The following DSCAM variants were observed in gnomAD, a reference collection of about 807,000 sequenced individuals.
DSCAM encodes the protein cell adhesion molecule DSCAM.
A neutral mutation model predicts 217.7 loss-of-function variants in DSCAM; 47 were observed. The observed-to-expected ratio is 0.22, with a 90% CI of 0.17 to 0.28. The LOEUF (loss-of-function observed/expected upper bound fraction) is 0.28. DSCAM is among the 10% of genes least tolerant of loss of function. The probability of loss-of-function intolerance (pLI) is 1.00; values close to 1 mark genes in which losing one functional copy is unlikely to be tolerated. For missense variants in DSCAM, 2,080 were observed against 2,618.3 expected, an observed-to-expected ratio of 0.79 and a Z score of 4.49; for synonymous variants, 1,056 against 1,015.3, an observed-to-expected ratio of 1.04 and a Z score of -0.76.
chr21:40,501,508 G>T (rs2076170061), intron 3 of DSCAM, among the ~76,000 whole-genome samples: 1 of 152,170 alleles, frequency 6.6e-6, no homozygotes. Context: ...TCTCCACAGA[G>T]AATGTACTGA....
intron 3 of DSCAM, among the ~76,000 whole-genome samples, chr21:40,484,009 C>T (rs142330089): frequency 3.0e-4 from 45 of 152,244 alleles, no homozygotes; most frequent in African/African-American, 7.2e-4. Flanking sequence ...CCAATAATTA[C>T]GAACTGTTAA....
intron 8 of DSCAM, among the ~76,000 whole-genome samples, chr21:40,318,551 G>A (rs1319032476): frequency 2.0e-5 from 3 of 152,104 alleles, no homozygotes; most frequent in South Asian, 2.1e-4. Context: ...ATTTAGGTAC[G>A]GTCCTCGCGC....
chr21:40,264,652 G>T (rs980056727), intron 11 of DSCAM, among the ~76,000 whole-genome samples: 3 of 152,092 alleles, frequency 2.0e-5, no homozygotes, highest in African/African-American at 7.2e-5. Context: ...GCAAGACAAC[G>T]ATGCCCACTT....
At chr21:40,528,537 C>G (rs1461490022) in intron 3 of DSCAM, among the ~76,000 whole-genome samples, 1 of 152,132 alleles carries the variant, frequency 6.6e-6, no homozygotes, top group East Asian at 1.9e-4. Context: ...TTCCTTGAGC[C>G]AAGAATTTCT....
rs116736971 is a variant in DSCAM at position 40,690,934 on chromosome 21, G to A, written c.508+1876C>T. 6.0e-3 allele frequency among the ~76,000 whole-genome samples: 918 copies of A among 152,264 alleles called. 8 individuals are homozygous for A. Among genetic ancestry groups the A allele is most frequent in the African/African-American group, 0.021 (857 of 41,532 alleles). On this transcript the variant is annotated intron_variant, in intron 3 of 32. Coordinates refer to ENST00000400454, the MANE Select transcript of DSCAM (RefSeq NM_001389.5). The stretch of plus-strand genomic sequence containing the variant: ...CAACACACACTGGGGCCTACTTCGG[G>A]GTGGAGGGTGGGAGAAGGAAGAGGA...
intron 3 of DSCAM, among the ~76,000 whole-genome samples, chr21:40,491,145 C>T (rs62225507): frequency 0.089 from 13,614 of 152,158 alleles, 715 homozygotes; most frequent in Middle Eastern, 0.17. Context: ...AATTTAATTA[C>T]GAACACTTCA....
At chr21:40,792,907 C>T (rs773190366) in intron 1 of DSCAM, among the ~76,000 whole-genome samples, 1 of 151,974 alleles carries the variant, frequency 6.6e-6, no homozygotes, top group Non-Finnish European at 1.5e-5. Flanking sequence ...TTTGTGTTTG[C>T]TTTTTGATGG....
chr21:40,245,148 A>T (rs1278349848), intron 11 of DSCAM, among the ~76,000 whole-genome samples: 2 of 152,192 alleles, frequency 1.3e-5, no homozygotes, highest in Non-Finnish European at 2.9e-5. Flanking sequence ...CTTTCAGCAC[A>T]ATTTATTGGC....
intron 1 of DSCAM, among the ~76,000 whole-genome samples, chr21:40,766,669 C>CAA (rs34935219): frequency 0.039 from 2,618 of 66,378 alleles, 143 homozygotes; most frequent in African/African-American, 0.12. Context: ...ACAACAATTC[C>CAA]AAAAAAAAAA....
At chr21:40,753,828 T>C (rs567152909) in intron 1 of DSCAM, among the ~76,000 whole-genome samples, 211 of 152,316 alleles carry the variant, frequency 1.4e-3, no homozygotes, top group African/African-American at 4.8e-3. Flanking sequence ...ATAGAACGAA[T>C]GAAGACAAAA....
chr21:40,356,695 T>C (rs888040614), intron 4 of DSCAM, among the ~76,000 whole-genome samples: 1 of 152,192 alleles, frequency 6.6e-6, no homozygotes, highest in Non-Finnish European at 1.5e-5. Flanking sequence ...GTGAGGATAA[T>C]GGATCAGAAA....
At chr21:40,802,825 T>C (rs1004370348) in intron 1 of DSCAM, among the ~76,000 whole-genome samples, 1 of 152,228 alleles carries the variant, frequency 6.6e-6, no homozygotes, top group Non-Finnish European at 1.5e-5. Flanking sequence ...TCCATAACAG[T>C]AAGAACCATA....
intron 3 of DSCAM, among the ~76,000 whole-genome samples, chr21:40,403,008 G>A (rs2075250768): frequency 6.6e-6 from 1 of 151,114 alleles, no homozygotes; most frequent in African/African-American, 2.4e-5. Flanking sequence ...CCCTATTCTG[G>A]CTCATTTAAC....
intron 31 of DSCAM, 64 bp from the exon 32 acceptor site, chr21:40,042,737 G>A (rs1382877018): frequency 6.8e-7 from 1 of 1,461,336 alleles, no homozygotes; most frequent in African/African-American, 1.4e-5. Flanking sequence ...CCAACGGCAT[G>A]GCCCTTCCTG....
At chr21:40,457,064 T>G (rs2075769532) in intron 3 of DSCAM, among the ~76,000 whole-genome samples, 1 of 152,190 alleles carries the variant, frequency 6.6e-6, no homozygotes, top group African/African-American at 2.4e-5. Flanking sequence ...AGGAATCAAA[T>G]AGATTCTTTA....
intron 8 of DSCAM, among the ~76,000 whole-genome samples, chr21:40,332,590 T>C (rs1398833770): frequency 6.6e-6 from 1 of 152,220 alleles, no homozygotes; most frequent in African/African-American, 2.4e-5. Context: ...TCAAGTTCAA[T>C]GTGGCACCTA....
chr21:40,468,203 T>C (rs1475900714), intron 3 of DSCAM, among the ~76,000 whole-genome samples: 1 of 152,182 alleles, frequency 6.6e-6, no homozygotes, highest in African/African-American at 2.4e-5. Context: ...TTTAAAATTC[T>C]CTTTCTCTTT....
chr21:40,628,536 T>G (rs774608648), intron 3 of DSCAM, among the ~76,000 whole-genome samples: 1 of 152,192 alleles, frequency 6.6e-6, no homozygotes, highest in African/African-American at 2.4e-5. Context: ...CTGTGGCCAC[T>G]TTTGCACTGC....
intron 1 of DSCAM, among the ~76,000 whole-genome samples, chr21:40,759,994 T>TATTC: frequency 7.1e-6 from 1 of 140,332 alleles, no homozygotes; most frequent in East Asian, 2.0e-4. Context: ...TTTATTTATT[T>TATTC]ATTTATTTAT....
Sources: gnomAD v4.1 joint callset for allele counts (sites outside exome capture counted in the v4.1 genomes callset) on GRCh38, gnomAD v4.1.1 for gene constraint, MANE v1.5 for transcripts, NCBI Gene and HGNC (gene_info 2026-07-23, HGNC 2026-07-21) for gene names.